PROSER2: variants seen among roughly 807,000 people sequenced by gnomAD.
PROSER2 encodes proline and serine-rich protein 2.
A neutral mutation model predicts 14.6 loss-of-function variants in PROSER2; 18 were observed. That is an observed-to-expected ratio of 1.23 (90% CI 0.85 to 1.83). The LOEUF is 1.83. Ranked by LOEUF, PROSER2 falls within the 40% of genes most tolerant of loss-of-function variation. The probability of loss-of-function intolerance (pLI) is 0.00; values close to 1 mark genes in which losing one functional copy is unlikely to be tolerated. For synonymous variants in PROSER2, 367 were observed against 286.4 expected (o/e 1.28, Z -2.84); for missense variants, 823 against 629.8 (o/e 1.31, Z -3.28).
At chr10:11,827,682 CT>C (rs10625176) in intron 1 of PROSER2, among the ~76,000 whole-genome samples, 216 of 143,276 alleles carry the variant, frequency 1.5e-3, no homozygotes, top group Middle Eastern at 3.7e-3. Context: ...CATGGAAGTC[CT>C]TTTTTTTTTT....
chr10:11,847,786 C>G (rs1050606027), intron 1 of PROSER2, among the ~76,000 whole-genome samples: 1 of 152,198 alleles, frequency 6.6e-6, no homozygotes, highest in Non-Finnish European at 1.5e-5. Flanking sequence ...TCTTCCCTTA[C>G]GTCAGCCACT....
intron 1 of PROSER2, among the ~76,000 whole-genome samples, chr10:11,841,493 A>G (rs1450691124): frequency 6.6e-6 from 1 of 152,020 alleles, no homozygotes; most frequent in Non-Finnish European, 1.5e-5. Context: ...CTTAAGTTAG[A>G]TGCTTGGTTC....
chr10:11,869,818 G>A lies in PROSER2; in HGVS notation c.720G>A (p.Pro240=), dbSNP rs1309230510. ...ARGPRSGDPG[P]GPSHPAQPKA... is the part of the protein sequence containing the mutation. ...GGCCCCGCAGTGGAGACCCTGGCCCGGGGCCCAGCCACCCGGCGCAGCCCA... is the reference window on the plus strand; with the variant it reads ...GGCCCCGCAGTGGAGACCCTGGCCCAGGGCCCAGCCACCCGGCGCAGCCCA... The change falls in exon 4 of 4, where the codon CCG becomes CCA. Residue 240 remains proline (P), a synonymous_variant. Coordinates refer to ENST00000277570, the MANE Select transcript of PROSER2 (RefSeq NM_153256.4). This position sits in a 1 kb window ranked among gnomAD's most constrained non-coding sequence, Gnocchi z 4.4. The A allele has an allele frequency of 3.2e-6, 5 of 1,566,240 alleles. No individual in the cohort carries two copies. The highest frequency in any genetic ancestry group is 1.9e-4 in the Middle Eastern group (1 of 5,226).
At chr10:11,826,667 T>C (rs1354581471) in intron 1 of PROSER2, among the ~76,000 whole-genome samples, 1 of 152,170 alleles carries the variant, frequency 6.6e-6, no homozygotes, top group Non-Finnish European at 1.5e-5. Flanking sequence ...AAGCTCTGCC[T>C]CCCGTGTTCA....
In PROSER2 at chr10:11,870,337, C is replaced by T. The variant is rs143145956; in HGVS notation, c.1239C>T (p.Gly413=). 3.6e-3 allele frequency: 5,429 copies of T among 1,506,480 alleles called. 147 individuals are homozygous for T. In the African/African-American group the frequency reaches 0.066, roughly 18 times the overall value. 93.3% of individuals were successfully genotyped at this position (1,506,480 alleles called of 1,614,324 possible). A position where few individuals can be genotyped will look rare whatever the true frequency, so the allele number is the denominator to read the frequency against. ...AGGGCATCACCGTGCAGTTCGCGGG[C>T]CGCGGCTCCTCGGAGGAGGCGCGCA... is the stretch of plus-strand genomic sequence containing the variant. ...RPQGITVQFA[G]RGSSEEARRE... Residue 413 remains glycine (G), a synonymous_variant, in exon 4 of 4, where the codon GGC becomes GGT. Coordinates refer to ENST00000277570, the MANE Select transcript of PROSER2 (RefSeq NM_153256.4).
At chr10:11,825,525 A>G (rs543553075) in intron 1 of PROSER2, among the ~76,000 whole-genome samples, 1 of 152,314 alleles carries the variant, frequency 6.6e-6, no homozygotes, top group South Asian at 2.1e-4. Context: ...CCTGGCCACC[A>G]TAGGAAAGCC....
intron 1 of PROSER2, among the ~76,000 whole-genome samples, chr10:11,849,078 T>C (rs1033306067): frequency 2.0e-5 from 3 of 152,252 alleles, no homozygotes; most frequent in East Asian, 1.9e-4. Context: ...TCCCAGCTAC[T>C]TGGGAGGCTG....
intron 1 of PROSER2, among the ~76,000 whole-genome samples, chr10:11,844,904 A>G (rs189137708): frequency 5.8e-4 from 89 of 152,260 alleles, no homozygotes; most frequent in Non-Finnish European, 9.6e-4. Flanking sequence ...TTACAGGCAT[A>G]AGCCACCACT....
intron 1 of PROSER2, among the ~76,000 whole-genome samples, chr10:11,843,896 G>A (rs1261664405): frequency 6.9e-6 from 1 of 145,382 alleles, no homozygotes; most frequent in Non-Finnish European, 1.5e-5. Context: ...TAGGTTGAGG[G>A]TTTTTTTTTT....
intron 2 of PROSER2, among the ~76,000 whole-genome samples, chr10:11,855,066 G>A (rs12357926): frequency 6.6e-6 from 1 of 151,210 alleles, no homozygotes; most frequent in South Asian, 2.1e-4. Context: ...CTCTTAGAAG[G>A]CTCTTTAAGT....
chr10:11,830,458 C>T lies in PROSER2; in HGVS notation c.-82+6988C>T, dbSNP rs528852031. On this transcript the variant is annotated intron_variant, in intron 1 of 3. Transcript: ENST00000277570. The surrounding 1 kb of genome is among the most constrained non-coding windows in gnomAD (Gnocchi z 4.5). ...ATGGACGCCTAGATTGATTCTGTGACGGTTACTGTGAACAGCGCCGCGGTA... is the reference window on the plus strand; with the variant it reads ...ATGGACGCCTAGATTGATTCTGTGATGGTTACTGTGAACAGCGCCGCGGTA... Among the ~76,000 whole-genome samples the T allele has an allele frequency of 6.6e-5, 10 of 152,140 alleles. No homozygotes were observed. The highest frequency in any genetic ancestry group is 1.5e-4 in the Non-Finnish European group (10 of 68,026).
At chr10:11,850,096 A>G (rs1180476123) in intron 1 of PROSER2, 3 of 152,244 alleles carry the variant, frequency 2.0e-5, no homozygotes, top group Non-Finnish European at 4.4e-5. Context: ...GGCTGTGGCA[A>G]TAATGTAGGC....
In PROSER2 at chr10:11,870,214, G is replaced by GGCCCT. The variant is rs767899335; in HGVS notation, c.1121_1125dup (p.Ser376CysfsTer77). The GGCCCT allele has an allele frequency of 5.4e-6, 8 of 1,489,256 alleles. No homozygotes were observed. Among genetic ancestry groups the GGCCCT allele is most frequent in the Non-Finnish European group, 4.4e-6 (5 of 1,126,888 alleles). The allele number at this position is 1,489,256 out of a possible 1,614,324, so 92.3% of individuals were successfully genotyped here. A position where few individuals can be genotyped will look rare whatever the true frequency, so the allele number is the denominator to read the frequency against. On this transcript the variant is annotated frameshift_variant, in exon 4 of 4. Coordinates refer to ENST00000277570, the MANE Select transcript of PROSER2 (RefSeq NM_153256.4). LOFTEE classifies it low-confidence loss of function (END_TRUNC). ...AGTCCCTCTGCTTCCGCCCTGGCCC[G>GGCCCT]GCCCTGCCCAGCACGCGGGCCCGTC...
At chr10:11,852,996 C>T (rs139100606) in intron 2 of PROSER2, among the ~76,000 whole-genome samples, 219 of 152,252 alleles carry the variant, frequency 1.4e-3, no homozygotes, top group African/African-American at 4.5e-3. Context: ...GTGCCTTCCC[C>T]GGTGAGGACA....
At position 11,862,982 on chromosome 10, in the gene PROSER2, C is replaced by T. The variant is rs567918737; in HGVS notation, c.139-3549C>T. On this transcript the variant is annotated intron_variant, in intron 2 of 3. Coordinates refer to ENST00000277570, the MANE Select transcript of PROSER2 (RefSeq NM_153256.4). The surrounding 1 kb of genome is among the most constrained non-coding windows in gnomAD (Gnocchi z 4.2). ...CAACCACTTCGGAAAGCTGTGTCCACCCACCCAAGCAGACACACATCTTCA... is the reference window on the plus strand; with the variant it reads ...CAACCACTTCGGAAAGCTGTGTCCATCCACCCAAGCAGACACACATCTTCA... 6.6e-6 allele frequency: 1 copy of T among 152,316 alleles called. No individual in the cohort carries two copies. Among genetic ancestry groups the T allele is most frequent in the African/African-American group, 2.4e-5 (1 of 41,548 alleles). 9.4% of individuals were successfully genotyped at this position (152,316 alleles called of 1,614,324 possible). A position where few individuals can be genotyped will look rare whatever the true frequency, so the allele number is the denominator to read the frequency against.
intron 2 of PROSER2, among the ~76,000 whole-genome samples, chr10:11,855,912 T>G (rs753570008): frequency 1.1e-4 from 16 of 152,214 alleles, no homozygotes; most frequent in Admixed American, 2.0e-4. Context: ...TTTTTATTTC[T>G]CAAGAGGCTA....
rs1834027429 is a variant in PROSER2, at chr10:11,852,031, C to T, written c.-47C>T. On this transcript the variant is annotated 5_prime_UTR_variant, in exon 2 of 4. Transcript: ENST00000277570. ...GTTGCCGCAGAATGGGCTGCTGGCT[C>T]CTGCCCTGCTTCCTGTGATCGAGCC... The T allele has an allele frequency of 1.9e-6, 3 of 1,548,152 alleles. No homozygotes were observed. The highest frequency in any genetic ancestry group is 2.4e-5 in the South Asian group (2 of 82,478).
At chr10:11,828,348 A>G (rs1282175690) in intron 1 of PROSER2, among the ~76,000 whole-genome samples, 1 of 152,016 alleles carries the variant, frequency 6.6e-6, no homozygotes, top group Non-Finnish European at 1.5e-5. Context: ...GACTATAAAC[A>G]GGTGAGTTGG....
chr10:11,852,438 A>G (rs1249078593), intron 2 of PROSER2, among the ~76,000 whole-genome samples: 5 of 152,226 alleles, frequency 3.3e-5, no homozygotes, highest in African/African-American at 1.2e-4. Context: ...CGCTGTGGCC[A>G]GTAACTCATG....
Sources: allele counts gnomAD v4.1 joint callset (sites outside exome capture counted in the v4.1 genomes callset), GRCh38; gene constraint gnomAD v4.1.1; non-coding constraint Gnocchi (gnomAD v3.1); transcripts MANE v1.5; gene names NCBI Gene and HGNC (gene_info 2026-07-23, HGNC 2026-07-21).